The following TENM3 variants were observed in gnomAD, a reference collection of about 807,000 sequenced individuals.
TENM3 encodes teneurin transmembrane protein 3.
In TENM3, 63 loss-of-function variants were observed where a neutral mutation model predicts 255.1. That is an observed-to-expected ratio of 0.25 (90% CI 0.20 to 0.30). The LOEUF is 0.30. TENM3 is among the 10% of genes least tolerant of loss of function. The probability of loss-of-function intolerance (pLI) is 1.00; values close to 1 mark genes in which losing one functional copy is unlikely to be tolerated. For missense variants in TENM3, 2,929 were observed against 3,461.1 expected (o/e 0.85, Z 3.86); for synonymous variants, 1,306 against 1,322.3 (o/e 0.99, Z 0.27).
At chr4:181,459,116 T>C in the TENM3 span, among the ~76,000 whole-genome samples, 2 of 152,070 alleles carry the variant, frequency 1.3e-5, no homozygotes, top group Non-Finnish European at 2.9e-5. Context: ...TAGTGGTATC[T>C]GATTATGGTT....
chr4:181,967,834 C>G, the TENM3 span, among the ~76,000 whole-genome samples: 25 of 152,126 alleles, frequency 1.6e-4, no homozygotes, highest in Admixed American at 3.3e-4. Context: ...TTCCACCCCC[C>G]AGGCTTACTT....
chr4:182,051,916 C>T, the TENM3 span, among the ~76,000 whole-genome samples: 1 of 152,066 alleles, frequency 6.6e-6, no homozygotes, highest in Non-Finnish European at 1.5e-5. Flanking sequence ...AAATGTTGTT[C>T]TAGTTTATCT....
the TENM3 span, among the ~76,000 whole-genome samples, chr4:182,025,514 C>A: frequency 6.6e-6 from 1 of 152,004 alleles, no homozygotes; most frequent in African/African-American, 2.4e-5. Context: ...ATACTGATTT[C>A]TTTTCTTTTG....
chr4:181,659,345 A>C, the TENM3 span, among the ~76,000 whole-genome samples: 1 of 152,092 alleles, frequency 6.6e-6, no homozygotes, highest in Non-Finnish European at 1.5e-5. Context: ...TACTTTCTTA[A>C]TAAACTTGCT....
At chr4:181,645,528 C>A in the TENM3 span, among the ~76,000 whole-genome samples, 10 of 152,128 alleles carry the variant, frequency 6.6e-5, no homozygotes, top group Non-Finnish European at 1.3e-4. Context: ...CATTTATTCT[C>A]AAAATTATTA....
chr4:182,177,276 A>C (rs116297847), intron 1 of TENM3, among the ~76,000 whole-genome samples: 19 of 152,046 alleles, frequency 1.2e-4, no homozygotes, highest in Non-Finnish European at 2.9e-5. Flanking sequence ...ATGTGTGATC[A>C]CCCCACAATT....
At chr4:181,721,568 C>CCG in the TENM3 span, among the ~76,000 whole-genome samples, 222 of 35,046 alleles carry the variant, frequency 6.3e-3, no homozygotes, top group African/African-American at 8.5e-3. Context: ...CCACTGCACT[C>CCG]CAGCCTGGGC....
intron 3 of TENM3, among the ~76,000 whole-genome samples, chr4:182,387,835 A>T (rs1266224495): frequency 1.3e-5 from 2 of 151,598 alleles, no homozygotes; most frequent in Admixed American, 6.6e-5. Flanking sequence ...GAGCTGTAAC[A>T]CTCACTGTGA....
intron 3 of TENM3, among the ~76,000 whole-genome samples, chr4:182,561,916 A>G (rs1743219685): frequency 1.3e-5 from 2 of 151,884 alleles, no homozygotes; most frequent in African/African-American, 4.8e-5. Context: ...TTTTGCACCA[A>G]CCTATATAAG....
chr4:181,660,110 C>T, the TENM3 span, among the ~76,000 whole-genome samples: 1 of 152,034 alleles, frequency 6.6e-6, no homozygotes, highest in Non-Finnish European at 1.5e-5. Context: ...GCTGTATAAA[C>T]ATTTGTTTTC....
At chr4:182,226,124 G>A (rs766508738) in intron 1 of TENM3, among the ~76,000 whole-genome samples, 5 of 152,106 alleles carry the variant, frequency 3.3e-5, no homozygotes, top group Non-Finnish European at 7.3e-5. Context: ...AAAGGCCTGC[G>A]TGCCTATTTT....
Position 182,793,492 on chromosome 4 carries a change from T to C in TENM3, c.6820T>C (p.Tyr2274His). ...TTCGAGTTCAGAAATTACCTCCCTGTATTATGATCTCCAAGGACATCTTTT... is the reference window on the plus strand; with the variant it reads ...TTCGAGTTCAGAAATTACCTCCCTGCATTATGATCTCCAAGGACATCTTTT... ...NHSSSEITSL[Y>H]YDLQGHLFAM... The change falls in exon 26 of 28, where the codon TAT becomes CAT. Residue 2274 changes from tyrosine (Y) to histidine (H), a missense_variant. This residue lies in a region of TENM3 where 256 missense variants were observed against 389.3 expected (regional missense o/e 0.66). Coordinates refer to ENST00000511685, the MANE Select transcript of TENM3 (RefSeq NM_001080477.4). The surrounding 1 kb of genome is among the most constrained non-coding windows in gnomAD (Gnocchi z 5.7). The C allele has an allele frequency of 2.5e-6, 4 of 1,613,908 alleles. No homozygotes were observed. The highest frequency in any genetic ancestry group is 3.4e-6 in the Non-Finnish European group (4 of 1,179,868).
the TENM3 span, among the ~76,000 whole-genome samples, chr4:181,508,536 G>A: frequency 3.3e-5 from 5 of 152,168 alleles, no homozygotes; most frequent in Non-Finnish European, 7.4e-5. Flanking sequence ...CTTTTTAGTT[G>A]TTTACTTCGG....
the TENM3 span, among the ~76,000 whole-genome samples, chr4:181,759,436 C>CA: frequency 1.3e-5 from 2 of 148,990 alleles, no homozygotes. Context: ...ATGTAAAAAC[C>CA]AAAAAAAAAG....
chr4:182,000,578 T>C, the TENM3 span, among the ~76,000 whole-genome samples: 1 of 152,192 alleles, frequency 6.6e-6, no homozygotes, highest in African/African-American at 2.4e-5. Flanking sequence ...CAATTGATTA[T>C]TTATTATGAA....
At chr4:182,419,655 T>C (rs1372461303) in intron 3 of TENM3, among the ~76,000 whole-genome samples, 1 of 151,922 alleles carries the variant, frequency 6.6e-6, no homozygotes, top group African/African-American at 2.4e-5. Context: ...ATTAAGAAAA[T>C]ATGGCACATA....
chr4:182,121,303 C>T, the TENM3 span, among the ~76,000 whole-genome samples: 26 of 152,134 alleles, frequency 1.7e-4, no homozygotes, highest in Non-Finnish European at 4.4e-5. Flanking sequence ...TGGCCTCTGA[C>T]TCGCATTTTA....
At chr4:182,576,599 C>G (rs1744945422) in intron 3 of TENM3, among the ~76,000 whole-genome samples, 1 of 152,088 alleles carries the variant, frequency 6.6e-6, no homozygotes, top group African/African-American at 2.4e-5. Context: ...TCTTTTTTAC[C>G]CAATGCTTCA....
the TENM3 span, among the ~76,000 whole-genome samples, chr4:182,056,187 A>C: frequency 6.6e-6 from 1 of 152,160 alleles, no homozygotes; most frequent in Non-Finnish European, 1.5e-5. Flanking sequence ...TAAGCTCTGC[A>C]TGCTCAACCG....
Sources: gnomAD v4.1 joint callset for allele counts (sites outside exome capture counted in the v4.1 genomes callset) on GRCh38, gnomAD v4.1.1 for gene constraint, gnomAD v4.1.1 regional missense constraint, Gnocchi (gnomAD v3.1) non-coding constraint, MANE v1.5 for transcripts, NCBI Gene and HGNC (gene_info 2026-07-23, HGNC 2026-07-21) for gene names.